Variants in DCHS2 observed in about 807,000 individuals in gnomAD.
DCHS2 encodes the protein dachsous cadherin-related 2, also known as protocadherin-23.
Under a neutral mutation model 182.4 loss-of-function variants are expected in DCHS2, and 142 were observed. The ratio of observed to expected loss-of-function variants is 0.78; its 90% CI spans 0.68 to 0.89. DCHS2 has a LOEUF of 0.89. Ranked by LOEUF, DCHS2 falls within the 40% of genes least tolerant of loss-of-function variation. The pLI, the probability that DCHS2 is intolerant of heterozygous loss-of-function variation, is 0.00. For missense variants in DCHS2, 4,319 were observed against 4,198.6 expected (o/e 1.03, Z -0.79); for synonymous variants, 1,740 against 1,663.3 (o/e 1.05, Z -1.12).
intron 7 of DCHS2, chr4:154,323,119 T>A: frequency 7.2e-7 from 1 of 1,393,876 alleles, no homozygotes; most frequent in Non-Finnish European, 9.6e-7. Context: ...CTGGAACTTG[T>A]ATCCTGACAT....
At chr4:154,423,845 G>A (rs1733209151) in intron 1 of DCHS2, among the ~76,000 whole-genome samples, 1 of 152,148 alleles carries the variant, frequency 6.6e-6, no homozygotes, top group African/African-American at 2.4e-5. Flanking sequence ...TGCAGCTTCT[G>A]ATTCCCTAAA....
chr4:154,491,196 C>A lies in DCHS2; in HGVS notation c.160G>T (p.Val54Leu), dbSNP rs1001329800. ...QRSLLWLLVH[V>L]WLWAASGSSA... ...GAGCCCGAGGCCGCCCACAGCCACA[C>A]GTGCACCAAGAGCCAGAGCAGGGAG... is the stretch of plus-strand genomic sequence containing the variant. The change falls in exon 1 of 20, where the codon GTG becomes TTG. Residue 54 changes from valine (V) to leucine (L), a missense_variant. Val to Leu is a conservative substitution (Grantham distance 32). Transcript: ENST00000357232. 4 of 1,551,356 alleles carry A rather than the reference C, an allele frequency of 2.6e-6. No homozygotes were observed. The highest frequency in any genetic ancestry group is 2.7e-5 in the African/African-American group (2 of 73,044).
At chr4:154,311,895 C>T (rs147400260) in intron 10 of DCHS2, among the ~76,000 whole-genome samples, 3 of 151,928 alleles carry the variant, frequency 2.0e-5, no homozygotes, top group Admixed American at 2.0e-4. Flanking sequence ...AGAATATATA[C>T]CAAAGTTTTA....
chr4:154,240,527 A>C lies in DCHS2; in HGVS notation c.7359+10T>G, dbSNP rs199792722. On this transcript the variant is annotated intron_variant, in intron 18 of 19. Transcript: ENST00000357232. ...TGGCTTTGGTTTCGGCATCTCTTTA[A>C]GCCCTTTACCTGATAGAAATCTTGA... The C allele has an allele frequency of 1.4e-3, 2,323 of 1,611,796 alleles. 3 individuals are homozygous for C. Among genetic ancestry groups the C allele is most frequent in the Non-Finnish European group, 1.8e-3 (2,127 of 1,178,484 alleles).
At chr4:154,390,773 T>C (rs902001419) in intron 1 of DCHS2, among the ~76,000 whole-genome samples, 8 of 152,176 alleles carry the variant, frequency 5.3e-5, no homozygotes, top group African/African-American at 1.9e-4. Flanking sequence ...CAAATACATT[T>C]GTACTATTCT....
chr4:154,355,554 A>C (rs1435211680), intron 3 of DCHS2: 3 of 152,220 alleles, frequency 2.0e-5, no homozygotes, highest in Non-Finnish European at 4.4e-5. Flanking sequence ...TTACTTTCTT[A>C]ATAAACTTGC....
intron 2 of DCHS2, chr4:154,373,874 A>G (rs1561074718): frequency 6.6e-7 from 1 of 1,504,916 alleles, no homozygotes. Flanking sequence ...ATTTCCAGGC[A>G]CCAGATGTTA....
intron 7 of DCHS2, among the ~76,000 whole-genome samples, chr4:154,326,825 C>A (rs1736303406): frequency 6.6e-6 from 1 of 152,024 alleles, no homozygotes; most frequent in Non-Finnish European, 1.5e-5. Flanking sequence ...GGCCAACTTC[C>A]CACTTGTTAT....
intron 1 of DCHS2, among the ~76,000 whole-genome samples, chr4:154,440,886 T>A (rs1001165016): frequency 1.3e-5 from 2 of 152,228 alleles, no homozygotes; most frequent in African/African-American, 4.8e-5. Flanking sequence ...CACCAAATAA[T>A]GTCTTTCACA....
At chr4:154,269,683 G>T (rs1733476072) in intron 14 of DCHS2, among the ~76,000 whole-genome samples, 1 of 152,144 alleles carries the variant, frequency 6.6e-6, no homozygotes, top group Non-Finnish European at 1.5e-5. Flanking sequence ...GGGCAGGATA[G>T]ACACTGTCTA....
intron 13 of DCHS2, among the ~76,000 whole-genome samples, chr4:154,290,468 C>A (rs1339416202): frequency 1.3e-5 from 2 of 151,798 alleles, no homozygotes; most frequent in South Asian, 4.2e-4. Flanking sequence ...CATAAAAGAC[C>A]CATCATAGTC....
intron 2 of DCHS2, among the ~76,000 whole-genome samples, chr4:154,370,049 G>A (rs1317510617): frequency 6.6e-6 from 1 of 152,078 alleles, no homozygotes; most frequent in Non-Finnish European, 1.5e-5. Context: ...CAGCTCTTGT[G>A]AGCTGTGGTT....
rs193086813 is a variant in DCHS2, at chr4:154,262,980, C to T, written c.6578-3224G>A. Among the ~76,000 whole-genome samples, 222 of 152,244 alleles carry T rather than the reference C, an allele frequency of 1.5e-3. 1 individual carries two copies. Among genetic ancestry groups the T allele is most frequent in the African/African-American group, 5.0e-3 (207 of 41,536 alleles). ...AATACAGAGTCAACTTGGTTTGTGA[C>T]GATGGAACAGAGGGTAAACTGGCAC... On this transcript the variant is annotated intron_variant, in intron 14 of 19. Transcript: ENST00000357232.
rs558078073 is a variant in DCHS2, at chr4:154,242,724, C to T, written c.6990G>A (p.Thr2330=). The part of the protein sequence containing the change: ...TDKGMPRLSN[T]TVIKVQVTDI... ...CAGTCACCTGTACCTTGATTACAGTCGTATTAGAAAGCCTGGGCATCCCTT... is the reference window on the plus strand; with the variant it reads ...CAGTCACCTGTACCTTGATTACAGTTGTATTAGAAAGCCTGGGCATCCCTT... The change falls in exon 17 of 20, where the codon ACG becomes ACA. Residue 2330 remains threonine (T), a synonymous_variant. Transcript: ENST00000357232. 30 of 1,612,654 alleles carry T rather than the reference C, an allele frequency of 1.9e-5. No homozygotes were observed. The highest frequency in any genetic ancestry group is 1.3e-4 in the South Asian group (12 of 90,974).
Position 154,391,095 on chromosome 4 carries a change from C to G in DCHS2, c.2053-13651G>C, listed in dbSNP as rs1731680345. 12 of 1,359,218 alleles carry G rather than the reference C, an allele frequency of 8.8e-6. No homozygotes were observed. In the East Asian group the frequency reaches 2.8e-4, roughly 32 times the overall value. 84.2% of individuals were successfully genotyped at this position (1,359,218 alleles called of 1,614,324 possible). On this transcript the variant is annotated intron_variant, in intron 1 of 19. Transcript: ENST00000357232. Reference sequence around the variant, plus strand: ...AGTAAATTCTTTGGCCAGTATGAATCTCATATGTAATTTAGCAGAAGGAAC... The same window carrying G: ...AGTAAATTCTTTGGCCAGTATGAATGTCATATGTAATTTAGCAGAAGGAAC...
intron 13 of DCHS2, among the ~76,000 whole-genome samples, chr4:154,294,751 G>T (rs538819888): frequency 7.9e-5 from 12 of 152,318 alleles, no homozygotes; most frequent in Admixed American, 7.8e-4. Flanking sequence ...AACACCAACA[G>T]GGAATGTGTA....
chr4:154,384,505 C>G (rs1210484744), intron 1 of DCHS2: 1 of 1,558,074 alleles, frequency 6.4e-7, no homozygotes, highest in Non-Finnish European at 8.7e-7. Context: ...TCCAAAAAAC[C>G]TCTGTCAATG....
At chr4:154,323,167 G>T (rs1043204823) in intron 7 of DCHS2, 1 of 1,537,194 alleles carries the variant, frequency 6.5e-7, no homozygotes, top group South Asian at 1.2e-5. Flanking sequence ...TCTCCAACGT[G>T]TAGCATAATA....
At chr4:154,329,853 A>G (rs1246190541) in intron 5 of DCHS2, 143 bp from the exon 6 acceptor site, 14 of 586,012 alleles carry the variant, frequency 2.4e-5, no homozygotes, top group Middle Eastern at 4.9e-4. Context: ...GTTTGGCTCT[A>G]TGGTACTGTT....
Sources: allele counts gnomAD v4.1 joint callset (sites outside exome capture counted in the v4.1 genomes callset), GRCh38; gene constraint gnomAD v4.1.1; transcripts MANE v1.5; gene names NCBI Gene and HGNC (gene_info 2026-07-23, HGNC 2026-07-21).